Variants in TMEM52B observed in about 807,000 individuals in gnomAD.
TMEM52B encodes chromosome 12 open reading frame 59.
TMEM52B carries 11 observed loss-of-function variants against 16.1 expected under a neutral mutation model. The observed-to-expected ratio is 0.68, with a 90% CI of 0.43 to 1.13. The LOEUF (loss-of-function observed/expected upper bound fraction) is 1.13. Among genes scored for constraint, TMEM52B ranks in the 50% most tolerant of loss-of-function variants. The probability of loss-of-function intolerance (pLI) is 0.00; values close to 1 mark genes in which losing one functional copy is unlikely to be tolerated. For synonymous variants in TMEM52B, 101 were observed against 93.8 expected (o/e 1.08, Z -0.45); for missense variants, 243 against 230.4 (o/e 1.05, Z -0.35).
At chr12:10,178,663 AAGAG>A (rs1360619492), upstream of TMEM52B, among the ~76,000 whole-genome samples, 2 of 127,180 alleles carry the variant, frequency 1.6e-5, no homozygotes, top group Non-Finnish European at 3.4e-5. Flanking sequence ...GAGAGAGAGA[AAGAG>A]AGAGAAAGAA....
intron 3 of TMEM52B, 34 bp from the exon 4 acceptor site, chr12:10,186,386 C>A: frequency 6.4e-7 from 1 of 1,558,536 alleles, no homozygotes; most frequent in South Asian, 1.2e-5. Flanking sequence ...AAGCCAGATC[C>A]CAGAGCTCCC....
chr12:10,184,255 G>A (rs1043952050), intron 2 of TMEM52B, among the ~76,000 whole-genome samples: 2 of 152,156 alleles, frequency 1.3e-5, no homozygotes, highest in South Asian at 4.1e-4. Flanking sequence ...CTCTTCATCC[G>A]CATCCTCGGT....
intron 1 of TMEM52B, among the ~76,000 whole-genome samples, chr12:10,181,026 C>T (rs1396884402): frequency 4.6e-5 from 7 of 152,058 alleles, no homozygotes; most frequent in Non-Finnish European, 1.0e-4. Context: ...AGGCTGATCT[C>T]GAACTCCTGA....
upstream of TMEM52B, among the ~76,000 whole-genome samples, chr12:10,177,872 T>C (rs994015075): frequency 5.9e-5 from 9 of 151,326 alleles, no homozygotes; most frequent in Admixed American, 1.3e-4. Context: ...TATAAATCAT[T>C]CATACAGCAT....
At chr12:10,184,602 G>A (rs1445641040) in intron 2 of TMEM52B, among the ~76,000 whole-genome samples, 1 of 152,066 alleles carries the variant, frequency 6.6e-6, no homozygotes, top group African/African-American at 2.4e-5. Flanking sequence ...GGTGTCAGAG[G>A]GTTGGGAGAG....
At position 10,187,728 on chromosome 12, in the gene TMEM52B, G is replaced by C. The variant is rs112454128; in HGVS notation, c.307+1139G>C. Among the ~76,000 whole-genome samples, 516 of 152,160 alleles carry C rather than the reference G, an allele frequency of 3.4e-3. 3 individuals carry two copies. Among genetic ancestry groups the C allele is most frequent in the African/African-American group, 0.012 (500 of 41,506 alleles). ...TTACAAGCATAAGCCACTGTGCCTG[G>C]ACTATGCTCTTTCCTAAAATTGAGG... On this transcript the variant is annotated intron_variant, in intron 4 of 4. Transcript: ENST00000543484.
Position 10,187,782 on chromosome 12 carries a change from C to A in TMEM52B, c.307+1193C>A, listed in dbSNP as rs1056112506. ...AAGTACCAGTCAGAACACCAGCTGGCAAAATGTGGATATTTATTTTGAAAA... is the reference window on the plus strand; with the variant it reads ...AAGTACCAGTCAGAACACCAGCTGGAAAAATGTGGATATTTATTTTGAAAA... On this transcript the variant is annotated intron_variant, in intron 4 of 4. Coordinates refer to ENST00000543484, the MANE Select transcript of TMEM52B (RefSeq NM_001384896.1). Among the ~76,000 whole-genome samples, 4 of 152,126 alleles carry A rather than the reference C, an allele frequency of 2.6e-5. No homozygotes were observed. The South Asian group carries it at 8.3e-4, about 32-fold the overall frequency.
At chr12:10,187,393 C>G (rs1445621946) in intron 4 of TMEM52B, among the ~76,000 whole-genome samples, 2 of 151,102 alleles carry the variant, frequency 1.3e-5, no homozygotes, top group Non-Finnish European at 2.9e-5. Context: ...AGCCACCATG[C>G]CTGGCCAAAA....
Position 10,190,583 on chromosome 12 carries a change from G to A in TMEM52B, c.*443G>A, listed in dbSNP as rs138729096. 55 of 189,586 alleles carry A rather than the reference G, an allele frequency of 2.9e-4. No individual in the cohort carries two copies. The East Asian group carries it at 6.4e-3, about 22-fold the overall frequency. The allele number at this position is 189,586 out of a possible 1,614,324, so 11.7% of individuals were successfully genotyped here. A position where few individuals can be genotyped will look rare whatever the true frequency, so the allele number is the denominator to read the frequency against. Reference sequence around the variant, plus strand: ...ACTGAATGCATGCATCTTTCCTCCTGAGACAGCAATCGATTTTACACCGAA... The same window carrying A: ...ACTGAATGCATGCATCTTTCCTCCTAAGACAGCAATCGATTTTACACCGAA... On this transcript the variant is annotated 3_prime_UTR_variant, in exon 5 of 5. Coordinates refer to ENST00000543484, the MANE Select transcript of TMEM52B (RefSeq NM_001384896.1).
In TMEM52B at chr12:10,190,099, A is replaced by G. The variant is rs368653944; in HGVS notation, c.511A>G (p.Thr171Ala). Residue 171 changes from threonine (T) to alanine (A), a missense_variant, in exon 5 of 5, where the codon ACA (threonine) becomes GCA (alanine). Physicochemically the swap from Thr to Ala is moderately conservative, Grantham distance 58 (BLOSUM62 0). Coordinates refer to ENST00000543484, the MANE Select transcript of TMEM52B (RefSeq NM_001384896.1). The part of the protein sequence containing the change: ...PVPEEKQLPP[T>A]EKESTRIVDS... ...ACCTGAAGAAAAGCAGCTGCCTCCAACAGAGAAGGAGTCGACTCGAATAGT... is the reference window on the plus strand; with the variant it reads ...ACCTGAAGAAAAGCAGCTGCCTCCAGCAGAGAAGGAGTCGACTCGAATAGT... The G allele has an allele frequency of 4.2e-5, 67 of 1,614,082 alleles. No individual in the cohort carries two copies. Among genetic ancestry groups the G allele is most frequent in the Non-Finnish European group, 5.3e-5 (63 of 1,180,042 alleles).
intron 3 of TMEM52B, among the ~76,000 whole-genome samples, chr12:10,185,595 A>G (rs143277263): frequency 1.5e-3 from 229 of 152,306 alleles, no homozygotes; most frequent in African/African-American, 5.1e-3. Flanking sequence ...CTCAACGAAG[A>G]TTACTTTAGT....
chr12:10,190,080 A>G lies in TMEM52B; in HGVS notation c.492A>G (p.Glu164=), dbSNP rs975474771. The change falls in exon 5 of 5, where the codon GAA becomes GAG. Residue 164 remains glutamate, a synonymous_variant. Coordinates refer to ENST00000543484, the MANE Select transcript of TMEM52B (RefSeq NM_001384896.1). ...CACCTGATCTACCCCCAGTACCTGAAGAAAAGCAGCTGCCTCCAACAGAGA... is the reference window on the plus strand; with the variant it reads ...CACCTGATCTACCCCCAGTACCTGAGGAAAAGCAGCTGCCTCCAACAGAGA... ...QKAPDLPPVP[E]EKQLPPTEKE... The G allele has an allele frequency of 2.5e-6, 4 of 1,614,226 alleles. No homozygotes were observed. The highest frequency in any genetic ancestry group is 3.4e-6 in the Non-Finnish European group (4 of 1,180,040).
chr12:10,190,885 GC>G lies in TMEM52B; in HGVS notation c.*746del, dbSNP rs1211691613. ...GTTTTAACTCTAAAGGAATAGTGTT[GC>G]TTTACTTCTTTCCTGTTTTGCCTGG... On this transcript the variant is annotated 3_prime_UTR_variant, in exon 5 of 5. Transcript: ENST00000543484. 1 of 152,288 alleles carries G rather than the reference GC, an allele frequency of 6.6e-6. No individual in the cohort carries two copies. Among genetic ancestry groups the G allele is most frequent in the Non-Finnish European group, 1.5e-5 (1 of 68,136 alleles). 9.4% of individuals were successfully genotyped at this position (152,288 alleles called of 1,614,324 possible). A position where few individuals can be genotyped will look rare whatever the true frequency, so the allele number is the denominator to read the frequency against.
At chr12:10,188,877 C>T (rs1948917659) in intron 4 of TMEM52B, among the ~76,000 whole-genome samples, 1 of 151,718 alleles carries the variant, frequency 6.6e-6, no homozygotes, top group Non-Finnish European at 1.5e-5. Context: ...ATTAGCTCGG[C>T]GTGGTGGCGG....
intron 1 of TMEM52B, among the ~76,000 whole-genome samples, chr12:10,171,588 G>A (rs1378612218): frequency 1.3e-5 from 2 of 152,178 alleles, no homozygotes; most frequent in African/African-American, 2.4e-5. Context: ...GCCCTCCGAT[G>A]TATAGAATTC....
At chr12:10,178,846 C>T (rs1270641562), upstream of TMEM52B, among the ~76,000 whole-genome samples, 2 of 152,196 alleles carry the variant, frequency 1.3e-5, no homozygotes, top group Non-Finnish European at 2.9e-5. Context: ...CTTGATTTCT[C>T]ATCTTCAAGT....
intron 1 of TMEM52B, among the ~76,000 whole-genome samples, chr12:10,181,048 C>T (rs1188239284): frequency 6.6e-6 from 1 of 151,998 alleles, no homozygotes; most frequent in Non-Finnish European, 1.5e-5. Flanking sequence ...CTCAAGTGAT[C>T]CACCCACCTC....
At chr12:10,175,134 C>G (rs1173671036), upstream of TMEM52B, 1 of 152,052 alleles carries the variant, frequency 6.6e-6, no homozygotes, top group Non-Finnish European at 1.5e-5. Context: ...TAATCCTTCC[C>G]CTTGAGTGTG....
At chr12:10,181,062 C>T (rs981839031) in intron 1 of TMEM52B, among the ~76,000 whole-genome samples, 1 of 152,154 alleles carries the variant, frequency 6.6e-6, no homozygotes, top group Non-Finnish European at 1.5e-5. Flanking sequence ...CCACCTCGGC[C>T]TCCCAAAGTG....
Sources: gnomAD v4.1 joint callset for allele counts (sites outside exome capture counted in the v4.1 genomes callset) on GRCh38, gnomAD v4.1.1 for gene constraint, MANE v1.5 for transcripts, NCBI Gene and HGNC (gene_info 2026-07-23, HGNC 2026-07-21) for gene names.